Variants in LMO7 observed in about 807,000 individuals in gnomAD.
LMO7 encodes LIM domain only protein 7.
Under a neutral mutation model 206.5 loss-of-function variants are expected in LMO7, and 120 were observed. The observed-to-expected ratio is 0.58, with a 90% confidence interval of 0.50 to 0.68. LMO7 has a LOEUF of 0.68. Ranked by LOEUF, LMO7 falls within the 30% of genes least tolerant of loss-of-function variation. LMO7 has a pLI of 0.00. For synonymous variants in LMO7, 706 were observed against 681.5 expected (o/e 1.04, Z -0.56); for missense variants, 1,959 against 1,957.9 (o/e 1.00, Z -0.01).
chr13:75,791,561 G>T (rs1733940245), intron 4 of LMO7, among the ~76,000 whole-genome samples: 1 of 152,142 alleles, frequency 6.6e-6, no homozygotes, highest in African/African-American at 2.4e-5. Context: ...TTATGTGCTT[G>T]CCAAGTGGTA....
At chr13:75,667,972 G>C (rs1262589116) in intron 1 of LMO7, among the ~76,000 whole-genome samples, 1 of 152,180 alleles carries the variant, frequency 6.6e-6, no homozygotes, top group African/African-American at 2.4e-5. Flanking sequence ...ATGTTGGGAG[G>C]CAAGGTGGGC....
chr13:75,800,624 T>G, intron 6 of LMO7, 60 bp from the exon 7 acceptor site: 8 of 1,454,860 alleles, frequency 5.5e-6, no homozygotes, highest in Non-Finnish European at 7.7e-6. Flanking sequence ...TAATAACCGA[T>G]TGATTATATT....
intron 26 of LMO7, 92 bp from the exon 27 acceptor site, chr13:75,848,987 A>C (rs2060248786): frequency 1.4e-6 from 1 of 738,994 alleles, no homozygotes; most frequent in Admixed American, 2.5e-5. Flanking sequence ...TATGGTTTTG[A>C]TTTGCATTTC....
intron 11 of LMO7, among the ~76,000 whole-genome samples, chr13:75,815,530 G>T (rs1214759324): frequency 6.6e-6 from 1 of 152,178 alleles, no homozygotes; most frequent in East Asian, 1.9e-4. Flanking sequence ...AACTTGAGAC[G>T]CCTATTAGAC....
At chr13:75,629,913 G>C (rs1169936206) in intron 2 of LMO7, among the ~76,000 whole-genome samples, 4 of 152,176 alleles carry the variant, frequency 2.6e-5, no homozygotes, top group Admixed American at 1.3e-4. Flanking sequence ...GGCAGGAGGG[G>C]ATTGAAGGTT....
At chr13:75,669,952 A>C (rs977418469) in intron 1 of LMO7, among the ~76,000 whole-genome samples, 1 of 152,140 alleles carries the variant, frequency 6.6e-6, no homozygotes, top group Non-Finnish European at 1.5e-5. Context: ...TCTCTGGTCC[A>C]AGGTTTCCCT....
intron 3 of LMO7, among the ~76,000 whole-genome samples, chr13:75,755,187 G>T (rs771502986): frequency 3.9e-4 from 60 of 152,234 alleles, no homozygotes; most frequent in East Asian, 3.9e-4. Flanking sequence ...TCCCTCACCT[G>T]TTGCCAGCGG....
At chr13:75,832,207 A>G (rs2058726151) in intron 15 of LMO7, among the ~76,000 whole-genome samples, 1 of 152,212 alleles carries the variant, frequency 6.6e-6, no homozygotes, top group Admixed American at 6.5e-5. Flanking sequence ...GTTTGCACAG[A>G]CGTAGTATAC....
At chr13:75,840,324 G>C in intron 21 of LMO7, 67 bp from the exon 22 acceptor site, 1 of 1,557,684 alleles carries the variant, frequency 6.4e-7, no homozygotes, top group Non-Finnish European at 8.8e-7. Context: ...TGCAAAAGTG[G>C]TTCAGTAGAT....
intron 2 of LMO7, among the ~76,000 whole-genome samples, chr13:75,716,873 A>G (rs1820651330): frequency 6.8e-6 from 1 of 146,508 alleles, no homozygotes; most frequent in Non-Finnish European, 1.5e-5. Flanking sequence ...ACAATCTTGG[A>G]AATATTCAAA....
At chr13:75,654,636 C>T (rs1200580353) in intron 1 of LMO7, among the ~76,000 whole-genome samples, 1 of 152,148 alleles carries the variant, frequency 6.6e-6, no homozygotes, top group Non-Finnish European at 1.5e-5. Context: ...CTCTCTTTCC[C>T]TGTGGCCTGT....
At chr13:75,649,352 C>G (rs1018703015) in intron 1 of LMO7, among the ~76,000 whole-genome samples, 1 of 151,984 alleles carries the variant, frequency 6.6e-6, no homozygotes. Flanking sequence ...CGGTGATGGT[C>G]AAAAAGCTAG....
At position 75,823,798 on chromosome 13, in the gene LMO7, C is replaced by G; in HGVS notation, c.2874C>G (p.Ser958=). ...QAATSKATLS[S]TSGLDLMSES... Reference sequence around the variant, plus strand: ...CCACTTCTAAAGCCACATTGTCTTCCACATCTGGTCTTGATTTAATGTCTG... The same window carrying G: ...CCACTTCTAAAGCCACATTGTCTTCGACATCTGGTCTTGATTTAATGTCTG... The change falls in exon 15 of 31, where the codon TCC becomes TCG. Residue 958 remains serine, a synonymous_variant. Transcript: ENST00000377534. The G allele has an allele frequency of 6.2e-7, 1 of 1,614,112 alleles. No homozygotes were observed. The highest frequency in any genetic ancestry group is 1.1e-5 in the South Asian group (1 of 91,082).
intron 2 of LMO7, among the ~76,000 whole-genome samples, chr13:75,719,956 A>G (rs1355796596): frequency 6.6e-6 from 1 of 152,230 alleles, no homozygotes; most frequent in Non-Finnish European, 1.5e-5. Context: ...CATTTCTACC[A>G]GCAGAGAATG....
At chr13:75,681,728 A>G (rs980466789) in intron 1 of LMO7, among the ~76,000 whole-genome samples, 6 of 116,490 alleles carry the variant, frequency 5.2e-5, no homozygotes, top group East Asian at 2.8e-4. Flanking sequence ...GTATATATAT[A>G]TATATATATA....
At chr13:75,769,057 A>G (rs2049277998) in intron 4 of LMO7, among the ~76,000 whole-genome samples, 1 of 152,168 alleles carries the variant, frequency 6.6e-6, no homozygotes, top group African/African-American at 2.4e-5. Context: ...TGAAATGTCA[A>G]GAAACTGGGA....
chr13:75,641,085 G>A (rs1206331288), intron 1 of LMO7, among the ~76,000 whole-genome samples: 1 of 152,186 alleles, frequency 6.6e-6, no homozygotes, highest in Non-Finnish European at 1.5e-5. Flanking sequence ...TCAAAGAGAG[G>A]CAGCCTCCAT....
intron 3 of LMO7, among the ~76,000 whole-genome samples, chr13:75,755,609 G>A (rs945931314): frequency 1.3e-5 from 2 of 152,106 alleles, no homozygotes; most frequent in African/African-American, 4.8e-5. Context: ...AAAATCAAAT[G>A]TTTCTCATGG....
At chr13:75,824,396 C>A (rs918642574) in intron 15 of LMO7, among the ~76,000 whole-genome samples, 1 of 152,210 alleles carries the variant, frequency 6.6e-6, no homozygotes, top group Admixed American at 6.5e-5. Context: ...CTATAATTTT[C>A]GATGGTCCCT....
Sources: gnomAD v4.1 joint callset for allele counts (sites outside exome capture counted in the v4.1 genomes callset) on GRCh38, gnomAD v4.1.1 for gene constraint, MANE v1.5 for transcripts, NCBI Gene and HGNC (gene_info 2026-07-23, HGNC 2026-07-21) for gene names.